Variants in ROBO2 observed in about 807,000 individuals in gnomAD.
ROBO2 encodes the protein roundabout homolog 2.
A neutral mutation model predicts 160.8 loss-of-function variants in ROBO2; 53 were observed. That is an observed-to-expected ratio of 0.33 (90% CI 0.26 to 0.41). ROBO2 has a LOEUF of 0.41. Among genes scored for constraint, ROBO2 ranks in the 10% least tolerant of loss-of-function variants. The probability of loss-of-function intolerance (pLI) is 1.00; values close to 1 mark genes in which losing one functional copy is unlikely to be tolerated. For missense variants in ROBO2, 1,577 were observed against 1,722.4 expected, an observed-to-expected ratio of 0.92 and a Z score of 1.49; for synonymous variants, 664 against 611.7, an observed-to-expected ratio of 1.09 and a Z score of -1.26.
chr3:75,919,820 G>T (rs1021543040), intron 1 of ROBO2, among the ~76,000 whole-genome samples: 2 of 152,132 alleles, frequency 1.3e-5, no homozygotes, highest in African/African-American at 4.8e-5. Context: ...TAGTTTATTT[G>T]TGTAGAGGTG....
At chr3:77,197,913 T>C (rs1236727333) in intron 2 of ROBO2, among the ~76,000 whole-genome samples, 2 of 152,142 alleles carry the variant, frequency 1.3e-5, no homozygotes, top group Non-Finnish European at 2.9e-5. Flanking sequence ...AGATACAACA[T>C]TGCTCTCTTT....
rs115580597 is a variant in ROBO2, at chr3:76,371,623, T to G, written c.109+434021T>G. Among the ~76,000 whole-genome samples, 1,434 of 152,072 alleles carry G rather than the reference T, an allele frequency of 9.4e-3. 22 individuals carry two copies. The highest frequency in any genetic ancestry group is 0.033 in the African/African-American group (1,372 of 41,552). On this transcript the variant is annotated intron_variant, in intron 2 of 26. Transcript: ENST00000487694. ...CATATCAAATGTTTACTCTAGTATTTGAATGAGACATATTTTCAAGTTGAT... is the reference window on the plus strand; with the variant it reads ...CATATCAAATGTTTACTCTAGTATTGGAATGAGACATATTTTCAAGTTGAT...
At chr3:76,049,108 C>G (rs1256945100) in intron 2 of ROBO2, among the ~76,000 whole-genome samples, 1 of 152,036 alleles carries the variant, frequency 6.6e-6, no homozygotes, top group African/African-American at 2.4e-5. Flanking sequence ...ATGAGGGACC[C>G]TAAGAGTTTT....
rs1247314108 is a variant in ROBO2 at position 77,572,154 on chromosome 3, A to T, written c.1972-2345A>T. On this transcript the variant is annotated intron_variant, in intron 13 of 25. Transcript: ENST00000461745. Reference sequence around the variant, plus strand: ...GAAACAGCTGCTTAATGTTCTTCTTAAAAACACAGCTTGCTTCTTTCAGTA... The same window carrying T: ...GAAACAGCTGCTTAATGTTCTTCTTTAAAACACAGCTTGCTTCTTTCAGTA... Among the ~76,000 whole-genome samples, 4 of 152,016 alleles carry T rather than the reference A, an allele frequency of 2.6e-5. No individual in the cohort carries two copies. The East Asian group carries it at 7.7e-4, about 29-fold the overall frequency.
At chr3:76,008,879 C>CG (rs1241682385) in intron 2 of ROBO2, among the ~76,000 whole-genome samples, 3 of 151,934 alleles carry the variant, frequency 2.0e-5, no homozygotes, top group Non-Finnish European at 4.4e-5. Flanking sequence ...CCCAAAGAAA[C>CG]GGGGAAATCT....
intron 2 of ROBO2, among the ~76,000 whole-genome samples, chr3:76,784,385 T>A (rs1209201419): frequency 6.6e-6 from 1 of 151,136 alleles, no homozygotes; most frequent in East Asian, 2.0e-4. Context: ...ATTGTGTGTC[T>A]TCTTTTGATC....
At chr3:77,621,022 C>T (rs9817099) in intron 22 of ROBO2, among the ~76,000 whole-genome samples, 16,383 of 152,140 alleles carry the variant, frequency 0.11, 1,262 homozygotes, top group African/African-American at 0.21. Flanking sequence ...AGAAGAAAAT[C>T]TGAGTAGACT....
chr3:76,003,111 G>T (rs2065933788), intron 2 of ROBO2, among the ~76,000 whole-genome samples: 1 of 152,142 alleles, frequency 6.6e-6, no homozygotes, highest in Admixed American at 6.5e-5. Flanking sequence ...TCCCATTCCT[G>T]CCAGATTCCT....
chr3:76,152,674 A>G (rs534440196), intron 2 of ROBO2, among the ~76,000 whole-genome samples: 1 of 152,200 alleles, frequency 6.6e-6, no homozygotes, highest in South Asian at 2.1e-4. Context: ...ACAAATTGGC[A>G]TTGTCTAACA....
intron 2 of ROBO2, among the ~76,000 whole-genome samples, chr3:77,415,893 A>G (rs2153527195): frequency 6.6e-6 from 1 of 152,268 alleles, no homozygotes; most frequent in South Asian, 2.1e-4. Context: ...TTCATGTTAC[A>G]GCTTGTTCGT....
At chr3:76,740,049 C>T (rs1191058602) in intron 2 of ROBO2, among the ~76,000 whole-genome samples, 3 of 152,108 alleles carry the variant, frequency 2.0e-5, no homozygotes, top group African/African-American at 4.8e-5. Context: ...GTATCCTAAA[C>T]AATAGCAGTA....
chr3:76,971,858 T>C (rs1459029616), intron 2 of ROBO2, among the ~76,000 whole-genome samples: 1 of 152,164 alleles, frequency 6.6e-6, no homozygotes, highest in Non-Finnish European at 1.5e-5. Flanking sequence ...AGTCAGGAAG[T>C]GTGTGGCAAA....
chr3:76,688,153 A>G (rs1560378825), intron 2 of ROBO2, among the ~76,000 whole-genome samples: 3 of 152,118 alleles, frequency 2.0e-5, no homozygotes, highest in Admixed American at 6.6e-5. Context: ...GTAATATTGT[A>G]TGGTGTATCT....
At chr3:77,569,852 TAA>T (rs1376738629) in intron 13 of ROBO2, among the ~76,000 whole-genome samples, 1 of 152,026 alleles carries the variant, frequency 6.6e-6, no homozygotes, top group African/African-American at 2.4e-5. Context: ...AAAATAAGAC[TAA>T]GTTTATAATA....
chr3:77,227,727 G>A (rs2086654420), intron 2 of ROBO2, among the ~76,000 whole-genome samples: 1 of 152,182 alleles, frequency 6.6e-6, no homozygotes, highest in African/African-American at 2.4e-5. Context: ...GGGGAATTGG[G>A]GTGGACAAAG....
intron 2 of ROBO2, among the ~76,000 whole-genome samples, chr3:76,742,574 A>C (rs9818389): frequency 6.6e-6 from 1 of 152,088 alleles, no homozygotes; most frequent in Admixed American, 6.6e-5. Flanking sequence ...GATTTTTTTT[A>C]AAATGTGAAA....
chr3:77,365,161 A>G (rs1401537157), intron 2 of ROBO2, among the ~76,000 whole-genome samples: 1 of 151,864 alleles, frequency 6.6e-6, no homozygotes, highest in African/African-American at 2.4e-5. Flanking sequence ...AAAAAAAAAA[A>G]AAAAAAGAAA....
chr3:76,325,551 T>C (rs2072942889), intron 2 of ROBO2, among the ~76,000 whole-genome samples: 1 of 152,170 alleles, frequency 6.6e-6, no homozygotes, highest in African/African-American at 2.4e-5. Context: ...TATCAGACCA[T>C]ACTTGTAAAC....
chr3:77,101,519 G>A (rs1252158700), intron 2 of ROBO2, among the ~76,000 whole-genome samples: 1 of 152,122 alleles, frequency 6.6e-6, no homozygotes, highest in African/African-American at 2.4e-5. Context: ...TCTGAGATAG[G>A]TGTTGAAGCC....
Sources: gnomAD v4.1 joint callset for allele counts (sites outside exome capture counted in the v4.1 genomes callset) on GRCh38, gnomAD v4.1.1 for gene constraint, MANE v1.5 for transcripts, NCBI Gene and HGNC (gene_info 2026-07-23, HGNC 2026-07-21) for gene names.